Variants in OLFM3 observed in about 807,000 individuals in gnomAD.
The protein encoded by OLFM3 is olfactomedin 3.
Under a neutral mutation model 48.6 loss-of-function variants are expected in OLFM3, and 20 were observed. That is an observed-to-expected ratio of 0.41 (90% CI 0.29 to 0.60). The LOEUF (loss-of-function observed/expected upper bound fraction) is 0.60. Ranked by LOEUF, OLFM3 falls within the 20% of genes least tolerant of loss-of-function variation. The pLI, the probability that OLFM3 is intolerant of heterozygous loss-of-function variation, is 0.28. For missense variants in OLFM3, 437 were observed against 544.3 expected (o/e 0.80, Z 1.96); for synonymous variants, 222 against 198.1 (o/e 1.12, Z -1.01).
chr1:101,909,201 T>TAAC (rs1658662444), intron 1 of OLFM3, among the ~76,000 whole-genome samples: 3 of 152,214 alleles, frequency 2.0e-5, no homozygotes, highest in Admixed American at 1.3e-4. Flanking sequence ...TCTGATGGCC[T>TAAC]TGAGTGGCTA....
chr1:101,828,009 G>GCT (rs71655097), intron 3 of OLFM3, among the ~76,000 whole-genome samples: 2,190 of 135,962 alleles, frequency 0.016, 25 homozygotes, highest in African/African-American at 0.032. Context: ...CTGCATTCAT[G>GCT]CTCTCTCTCT....
At chr1:101,895,382 G>A (rs1185487947) in intron 1 of OLFM3, among the ~76,000 whole-genome samples, 4 of 150,584 alleles carry the variant, frequency 2.7e-5, no homozygotes, top group Non-Finnish European at 5.9e-5. Context: ...TTAGACTTAT[G>A]TGCTATTCTA....
chr1:101,912,501 A>G (rs1002662963), intron 1 of OLFM3, among the ~76,000 whole-genome samples: 1 of 152,188 alleles, frequency 6.6e-6, no homozygotes, highest in Non-Finnish European at 1.5e-5. Context: ...AAGTTTAGAG[A>G]TGTAGAGCAA....
chr1:101,993,288 TG>T (rs1389200585), intron 1 of OLFM3, among the ~76,000 whole-genome samples: 2 of 152,150 alleles, frequency 1.3e-5, no homozygotes, highest in African/African-American at 2.4e-5. Context: ...GTTCAAATAA[TG>T]GTCCGCTAAA....
chr1:101,869,635 C>T (rs1174042688), intron 1 of OLFM3, among the ~76,000 whole-genome samples: 1 of 151,972 alleles, frequency 6.6e-6, no homozygotes, highest in Non-Finnish European at 1.5e-5. Context: ...AGGGGCAGAA[C>T]GATATGTTAT....
intron 1 of OLFM3, among the ~76,000 whole-genome samples, chr1:101,843,594 G>A (rs1000301817): frequency 1.1e-4 from 17 of 152,202 alleles, no homozygotes; most frequent in African/African-American, 4.1e-4. Flanking sequence ...AGAAAAACAA[G>A]AAGGAGCTTA....
At chr1:101,933,656 T>C (rs1317857379) in intron 1 of OLFM3, among the ~76,000 whole-genome samples, 1 of 152,032 alleles carries the variant, frequency 6.6e-6, no homozygotes, top group African/African-American at 2.4e-5. Context: ...CTAAGGCACA[T>C]AATCACCAGA....
chr1:101,905,562 T>G (rs750741289), intron 1 of OLFM3, among the ~76,000 whole-genome samples: 1 of 152,122 alleles, frequency 6.6e-6, no homozygotes, highest in African/African-American at 2.4e-5. Context: ...TTAAGGAAGT[T>G]GTAAAGTAAA....
intron 4 of OLFM3, among the ~76,000 whole-genome samples, chr1:101,814,139 T>C (rs1374592171): frequency 2.0e-5 from 3 of 152,156 alleles, no homozygotes; most frequent in African/African-American, 4.8e-5. Flanking sequence ...CCTGGTTTTG[T>C]GGGGAAAATA....
intron 1 of OLFM3, among the ~76,000 whole-genome samples, chr1:101,860,675 T>C (rs1243679927): frequency 2.0e-5 from 3 of 152,062 alleles, no homozygotes; most frequent in African/African-American, 4.8e-5. Flanking sequence ...TGAAATCATG[T>C]ATGTGTCTTT....
chr1:101,898,703 G>C (rs1473107570), intron 1 of OLFM3, among the ~76,000 whole-genome samples: 2 of 152,020 alleles, frequency 1.3e-5, no homozygotes, highest in African/African-American at 2.4e-5. Context: ...ACAAAAATTA[G>C]TCAGGCATCG....
chr1:101,992,585 G>A (rs909829595), intron 1 of OLFM3, among the ~76,000 whole-genome samples: 1 of 150,154 alleles, frequency 6.7e-6, no homozygotes, highest in Non-Finnish European at 1.5e-5. Flanking sequence ...TTTTTAAGGC[G>A]AATTTTAAAG....
At chr1:101,867,134 A>G (rs1184761118) in intron 1 of OLFM3, among the ~76,000 whole-genome samples, 1 of 152,186 alleles carries the variant, frequency 6.6e-6, no homozygotes, top group Non-Finnish European at 1.5e-5. Flanking sequence ...TTGCATTGCT[A>G]TACTTATTTT....
intron 1 of OLFM3, among the ~76,000 whole-genome samples, chr1:101,967,590 G>GAAAAA (rs71592233): frequency 0.024 from 1,079 of 44,432 alleles, 49 homozygotes; most frequent in Non-Finnish European, 0.028. Flanking sequence ...CCTAGTCAGT[G>GAAAAA]AAAAAAAAAA....
chr1:101,847,528 A>G (rs902646214), intron 1 of OLFM3, among the ~76,000 whole-genome samples: 2 of 112,192 alleles, frequency 1.8e-5, no homozygotes, highest in African/African-American at 7.0e-5. Context: ...AGTAGGAGAT[A>G]ATTTTTTTTT....
chr1:101,846,055 T>C (rs1042099918), intron 1 of OLFM3, among the ~76,000 whole-genome samples: 5 of 152,222 alleles, frequency 3.3e-5, no homozygotes, highest in African/African-American at 4.8e-5. Flanking sequence ...TTTGAATTTG[T>C]AAATTTCTAT....
At chr1:101,945,192 CA>C (rs1393161725) in intron 1 of OLFM3, among the ~76,000 whole-genome samples, 1 of 152,062 alleles carries the variant, frequency 6.6e-6, no homozygotes, top group East Asian at 1.9e-4. Flanking sequence ...AAGTCCAATA[CA>C]AAAGACATGT....
intron 1 of OLFM3, among the ~76,000 whole-genome samples, chr1:101,956,100 T>TG (rs55742266): frequency 2.1e-5 from 3 of 145,638 alleles, no homozygotes; most frequent in Non-Finnish European, 3.0e-5. Context: ...TTTTTTTTTT[T>TG]TTTAAAAAAA....
At chr1:101,979,015 A>G (rs1661032169) in intron 1 of OLFM3, among the ~76,000 whole-genome samples, 1 of 152,218 alleles carries the variant, frequency 6.6e-6, no homozygotes, top group Non-Finnish European at 1.5e-5. Context: ...AACGTAGTAT[A>G]TTGAAATTAA....
Sources: gnomAD v4.1 joint callset for allele counts (sites outside exome capture counted in the v4.1 genomes callset) on GRCh38, gnomAD v4.1.1 for gene constraint, MANE v1.5 for transcripts, NCBI Gene and HGNC (gene_info 2026-07-23, HGNC 2026-07-21) for gene names.